CCDC91: variants seen among roughly 807,000 people sequenced by gnomAD.
The protein encoded by CCDC91 is coiled-coil domain containing 91.
Under a neutral mutation model 63.2 loss-of-function variants are expected in CCDC91, and 48 were observed. The ratio of observed to expected loss-of-function variants is 0.76; its 90% CI spans 0.60 to 0.97. The LOEUF (loss-of-function observed/expected upper bound fraction) is 0.97, where lower values mean the gene tolerates loss of function less well. CCDC91 is among the 50% of genes least tolerant of loss of function. The pLI is 0.00. For synonymous variants in CCDC91, 167 were observed against 165.8 expected (o/e 1.01, Z -0.06); for missense variants, 500 against 494.6 (o/e 1.01, Z -0.10).
chr12:28,406,261 G>A (rs1946933343), intron 8 of CCDC91, among the ~76,000 whole-genome samples: 2 of 149,826 alleles, frequency 1.3e-5, no homozygotes, highest in East Asian at 3.9e-4. Flanking sequence ...CATTTCTTGC[G>A]AGCCTGTTCT....
intron 8 of CCDC91, among the ~76,000 whole-genome samples, chr12:28,433,400 T>C (rs958749511): frequency 1.3e-5 from 2 of 152,042 alleles, no homozygotes; most frequent in African/African-American, 4.8e-5. Context: ...ATGAAAGTTA[T>C]ATGGTCTGTG....
rs146277614 is a variant in CCDC91 at position 28,263,273 on chromosome 12, A to G, written c.109+3831A>G. On this transcript the variant is annotated intron_variant, in intron 3 of 12. Transcript: ENST00000536442. ...GTAAAACACATAAAACATAAAATTT[A>G]CCATCTTAACTATTTTTAAGTGTAC... is the stretch of plus-strand genomic sequence containing the variant. Among the ~76,000 whole-genome samples the G allele has an allele frequency of 4.3e-3, 652 of 152,154 alleles. 12 individuals are homozygous for G. In the South Asian group the frequency reaches 0.073, roughly 17 times the overall value.
At chr12:28,406,739 A>T (rs1222617406) in intron 8 of CCDC91, among the ~76,000 whole-genome samples, 1 of 145,252 alleles carries the variant, frequency 6.9e-6, no homozygotes, top group Non-Finnish European at 1.6e-5. Flanking sequence ...TTAAAGTTTT[A>T]TAGTTTTAAT....
chr12:28,497,093 T>G lies in CCDC91; in HGVS notation c.1215+12928T>G, dbSNP rs1952342919. On this transcript the variant is annotated intron_variant, in intron 12 of 12. Coordinates refer to ENST00000536442, the MANE Select transcript of CCDC91 (RefSeq NM_018318.5). ...TTTTCATAGAATGATGGCCACCAAG[T>G]TTACTAAAAAAAGAGCTTAAATTTC... Among the ~76,000 whole-genome samples, 3 of 150,974 alleles carry G rather than the reference T, an allele frequency of 2.0e-5. 1 individual carries two copies. The South Asian group carries it at 6.2e-4, about 31-fold the overall frequency.
chr12:28,305,669 C>T lies in CCDC91; in HGVS notation c.130C>T (p.Pro44Ser), dbSNP rs141901852. 44 of 1,612,098 alleles carry T rather than the reference C, an allele frequency of 2.7e-5. 1 individual carries two copies. The Middle Eastern group carries it at 8.3e-4, about 30-fold the overall frequency. ...FPAVSGVHLS[P>S]SSPEIVLDRD... ...TTTAGTATCTGGAGTCCATCTTTCA[C>T]CATCTTCTCCTGAGATTGTACTGGA... Residue 44 changes from proline to serine, a missense_variant, in exon 4 of 13, where the codon CCA becomes TCA. Transcript: ENST00000536442.
At chr12:28,292,017 C>T (rs138314124) in intron 3 of CCDC91, among the ~76,000 whole-genome samples, 83 of 152,174 alleles carry the variant, frequency 5.5e-4, no homozygotes, top group Non-Finnish European at 1.0e-3. Context: ...TGGCCAAATG[C>T]GTTGTTGATG....
At chr12:28,231,417 AAAG>A (rs1944591367) in intron 1 of CCDC91, among the ~76,000 whole-genome samples, 1 of 152,230 alleles carries the variant, frequency 6.6e-6, no homozygotes, top group Non-Finnish European at 1.5e-5. Flanking sequence ...GCAAACAACT[AAAG>A]AAATATCTTT....
Position 28,216,654 on chromosome 12 carries a change from TATTC to T in CCDC91, c.-15+26018_-15+26021del, listed in dbSNP as rs1361458964. ...TCTTTTTATATAGTTATATATTTTT[TATTC>T]ATTCTTAAAATAAGGTAACAGGCAA... On this transcript the variant is annotated intron_variant, in intron 1 of 12. Coordinates refer to ENST00000536442, the MANE Select transcript of CCDC91 (RefSeq NM_018318.5). 2.1e-5 allele frequency among the ~76,000 whole-genome samples: 3 copies of T among 142,882 alleles called. No homozygotes were observed. The East Asian group carries it at 5.8e-4, about 28-fold the overall frequency. 93.7% of individuals were successfully genotyped at this position (142,882 alleles called of 152,430 possible).
chr12:28,268,178 CT>C (rs1947489070), intron 3 of CCDC91, among the ~76,000 whole-genome samples: 1 of 151,138 alleles, frequency 6.6e-6, no homozygotes, highest in Non-Finnish European at 1.5e-5. Flanking sequence ...CTTTTCCTGC[CT>C]CAGCCTCCTG....
intron 7 of CCDC91, among the ~76,000 whole-genome samples, chr12:28,372,445 C>A (rs981018988): frequency 3.3e-5 from 5 of 151,946 alleles, no homozygotes; most frequent in African/African-American, 1.2e-4. Flanking sequence ...GGTACTGATT[C>A]TTCCAGTCCA....
chr12:28,538,129 A>G (rs1421008545), intron 12 of CCDC91, among the ~76,000 whole-genome samples: 2 of 119,320 alleles, frequency 1.7e-5, no homozygotes, highest in African/African-American at 6.4e-5. Context: ...GTTTTTTTTT[A>G]AGTTTTAGGG....
intron 11 of CCDC91, among the ~76,000 whole-genome samples, chr12:28,473,218 A>G (rs966790810): frequency 6.6e-6 from 1 of 152,194 alleles, no homozygotes; most frequent in Non-Finnish European, 1.5e-5. Context: ...CCTGAGCTCA[A>G]AAACAATCAC....
chr12:28,412,828 T>C (rs1215722261), intron 8 of CCDC91: 1 of 451,820 alleles, frequency 2.2e-6, no homozygotes, highest in East Asian at 7.0e-5. Context: ...TACAGAGTGC[T>C]GATTGGTGTA....
chr12:28,545,694 T>C (rs1234973692), intron 12 of CCDC91, among the ~76,000 whole-genome samples: 1 of 152,120 alleles, frequency 6.6e-6, no homozygotes, highest in Non-Finnish European at 1.5e-5. Flanking sequence ...TACCATCTTA[T>C]AGTCAGTAAT....
chr12:28,333,661 C>T (rs186408525), intron 6 of CCDC91, among the ~76,000 whole-genome samples: 13 of 152,166 alleles, frequency 8.5e-5, no homozygotes, highest in East Asian at 3.9e-4. Flanking sequence ...CAGGGAATCT[C>T]GGCTTTCATT....
chr12:28,230,445 AT>A (rs888869264), intron 1 of CCDC91, among the ~76,000 whole-genome samples: 2 of 152,270 alleles, frequency 1.3e-5, no homozygotes. Flanking sequence ...TGAGTACTAA[AT>A]TTCAATGTTT....
At chr12:28,259,463 G>A in intron 3 of CCDC91, 21 bp downstream of exon 3, 1 of 990,372 alleles carries the variant, frequency 1.0e-6, no homozygotes, top group Non-Finnish European at 1.5e-6. Flanking sequence ...CCAGGAATTA[G>A]GGTTTTTTTT....
chr12:28,304,666 T>C, intron 3 of CCDC91: 6 of 1,279,722 alleles, frequency 4.7e-6, no homozygotes, highest in Non-Finnish European at 6.1e-6. Context: ...TTCCAGAGTT[T>C]ATGGTAGAAC....
intron 12 of CCDC91, among the ~76,000 whole-genome samples, chr12:28,504,934 C>A (rs949583453): frequency 6.6e-6 from 1 of 151,886 alleles, no homozygotes; most frequent in Non-Finnish European, 1.5e-5. Context: ...AATGACAGAT[C>A]AGTAGTGGCA....
Sources: allele counts gnomAD v4.1 joint callset (sites outside exome capture counted in the v4.1 genomes callset), GRCh38; gene constraint gnomAD v4.1.1; transcripts MANE v1.5; gene names NCBI Gene and HGNC (gene_info 2026-07-23, HGNC 2026-07-21).